Variants in ELMOD3 observed in about 807,000 individuals in gnomAD.
The protein encoded by ELMOD3 is ELMO domain-containing protein 3.
ELMOD3 carries 36 observed loss-of-function variants against 47.4 expected under a neutral mutation model. The observed-to-expected ratio is 0.76, with a 90% CI of 0.58 to 1.00. The LOEUF (loss-of-function observed/expected upper bound fraction) is 1.00. Among genes scored for constraint, ELMOD3 ranks in the 50% least tolerant of loss-of-function variants. The pLI is 0.00. For missense variants in ELMOD3, 404 were observed against 463.8 expected, an observed-to-expected ratio of 0.87 and a Z score of 1.18; for synonymous variants, 149 against 183.5, an observed-to-expected ratio of 0.81 and a Z score of 1.52.
chr2:85,390,968 G>T lies in ELMOD3; in HGVS notation c.*6G>T. ...AAGGCGTATGGCTGATCTGACCTCC[G>T]AGATGAATGGAGGCTTAAAGGCTGA... is the stretch of plus-strand genomic sequence containing the variant. On this transcript the variant is annotated 3_prime_UTR_variant, in exon 14 of 14. Transcript: ENST00000409013. The T allele has an allele frequency of 6.5e-7, 1 of 1,549,216 alleles. No homozygotes were observed. Among genetic ancestry groups the T allele is most frequent in the Non-Finnish European group, 8.7e-7 (1 of 1,145,196 alleles).
intron 12 of ELMOD3, 110 bp from the exon 13 acceptor site, chr2:85,390,028 T>G (rs1686210803): frequency 8.2e-7 from 1 of 1,220,792 alleles, no homozygotes. Context: ...GGTGGGGGCA[T>G]CCTGGGTTTG....
At chr2:85,381,749 G>A (rs1022890438) in intron 11 of ELMOD3, among the ~76,000 whole-genome samples, 3 of 152,144 alleles carry the variant, frequency 2.0e-5, no homozygotes, top group African/African-American at 7.2e-5. Context: ...TTCTGGCCCC[G>A]TGTCTTAGGA....
At chr2:85,384,692 C>G (rs1685808897) in intron 11 of ELMOD3, among the ~76,000 whole-genome samples, 2 of 152,116 alleles carry the variant, frequency 1.3e-5, no homozygotes, top group South Asian at 4.1e-4. Context: ...CTCAAGCAAT[C>G]CTCCCACCTC....
chr2:85,369,436 C>T lies in ELMOD3; in HGVS notation c.269-303C>T, dbSNP rs1404622859. Among the ~76,000 whole-genome samples, 3 of 152,170 alleles carry T rather than the reference C, an allele frequency of 2.0e-5. No homozygotes were observed. In the East Asian group the frequency reaches 5.8e-4, roughly 29 times the overall value. ...GGTTGCATGCTCTTATGTGGGTACC[C>T]ACCCCAGGCAGTGACTTGCCCCCTC... is the stretch of plus-strand genomic sequence containing the variant. On this transcript the variant is annotated intron_variant, in intron 7 of 13. Transcript: ENST00000409013.
chr2:85,371,464 T>G lies in ELMOD3; in HGVS notation c.509T>G (p.Val170Gly). 6.2e-7 allele frequency: 1 copy of G among 1,614,198 alleles called. No homozygotes were observed. The change falls in exon 10 of 14, where the codon GTG becomes GGG. Residue 170 changes from valine to glycine, a missense_variant. Val to Gly is a moderately radical substitution (Grantham distance 109). Coordinates refer to ENST00000409013, the MANE Select transcript of ELMOD3 (RefSeq NM_001135022.2). ...AQCGLDSQDPVHGRVLQTIYK... is the reference protein window; with the variant it reads ...AQCGLDSQDPGHGRVLQTIYK... ...GGTGGCCTGGATAGCCAAGACCCAG[T>G]GCATGGCCGAGTCCTCCAGACCATC...
chr2:85,358,211 G>A (rs193285189), intron 4 of ELMOD3, among the ~76,000 whole-genome samples: 2,394 of 151,364 alleles, frequency 0.016, 26 homozygotes, highest in Non-Finnish European at 0.025. Context: ...CCCAGGAGGC[G>A]GAGGTTGCAG....
At chr2:85,379,166 A>G (rs1685375708) in intron 11 of ELMOD3, among the ~76,000 whole-genome samples, 2 of 152,242 alleles carry the variant, frequency 1.3e-5, no homozygotes, top group African/African-American at 4.8e-5. Context: ...AATGGAAAAA[A>G]AAAGGAGGAA....
chr2:85,363,029 G>A, intron 5 of ELMOD3, 68 bp from the exon 6 acceptor site: 1 of 948,992 alleles, frequency 1.1e-6, no homozygotes, highest in Non-Finnish European at 1.7e-6. Context: ...TACAGTGGGT[G>A]GGAAGCGTTT....
chr2:85,375,038 G>A (rs531583463), intron 10 of ELMOD3, among the ~76,000 whole-genome samples: 3 of 152,016 alleles, frequency 2.0e-5, no homozygotes, highest in Non-Finnish European at 2.9e-5. Context: ...AGCCAAGATC[G>A]TGCCACTGCA....
Position 85,369,846 on chromosome 2 carries a change from G to C in ELMOD3, c.360+16G>C. 1 of 1,612,850 alleles carries C rather than the reference G, an allele frequency of 6.2e-7. No individual in the cohort carries two copies. The highest frequency in any genetic ancestry group is 8.5e-7 in the Non-Finnish European group (1 of 1,179,502). On this transcript the variant is annotated intron_variant, in intron 8 of 13. Transcript: ENST00000409013. ...CCCCTTCAAGGTATGAGGGTAGCAG[G>C]GTTTGGAGTCTCAAGCAAAGTGCCT...
chr2:85,361,580 G>T (rs1683958016), intron 4 of ELMOD3, among the ~76,000 whole-genome samples: 1 of 152,120 alleles, frequency 6.6e-6, no homozygotes, highest in South Asian at 2.1e-4. Context: ...TGGGAGCTAA[G>T]TGATGAGAAC....
In ELMOD3 at chr2:85,390,433, TCTC is replaced by T. The variant is rs753988836; in HGVS notation, c.943+171_943+173del. 5.6e-6 allele frequency: 9 copies of T among 1,614,040 alleles called. No homozygotes were observed. The East Asian group carries it at 1.8e-4, about 32-fold the overall frequency. On this transcript the variant is annotated intron_variant, in intron 13 of 13. Coordinates refer to ENST00000409013, the MANE Select transcript of ELMOD3 (RefSeq NM_001135022.2). The stretch of plus-strand genomic sequence containing the variant: ...CACCCACCCCCTGGAGTCTGCTAGT[TCTC>T]CTTTCTCTGCCCTGACTGTCGCCCT...
Position 85,377,457 on chromosome 2 carries a change from T to C in ELMOD3, c.721T>C (p.Ser241Pro). Residue 241 changes from serine to proline, a missense_variant, in exon 11 of 14, where the codon TCT (serine) becomes CCT (proline). Coordinates refer to ENST00000409013, the MANE Select transcript of ELMOD3 (RefSeq NM_001135022.2). Reference protein sequence around the residue: ...LPMAQEIFRLSRHHIQQFPFC... With the variant: ...LPMAQEIFRLPRHHIQQFPFC... ...GATGGCGCAGGAGATTTTCCGCCTGTCTCGTCACCACATCCAGGTGAGACT... is the reference window on the plus strand; with the variant it reads ...GATGGCGCAGGAGATTTTCCGCCTGCCTCGTCACCACATCCAGGTGAGACT... The C allele has an allele frequency of 5.6e-6, 9 of 1,608,368 alleles. No individual in the cohort carries two copies. The highest frequency in any genetic ancestry group is 7.6e-6 in the Non-Finnish European group (9 of 1,177,178).
chr2:85,368,815 A>G (rs1038869169), intron 7 of ELMOD3, 61 bp downstream of exon 7: 3 of 1,557,716 alleles, frequency 1.9e-6, no homozygotes. Flanking sequence ...CACCATCCAC[A>G]CATGTGGCAA....
intron 6 of ELMOD3, among the ~76,000 whole-genome samples, chr2:85,365,163 G>A (rs573343640): frequency 3.3e-5 from 5 of 149,778 alleles, no homozygotes; most frequent in Admixed American, 6.6e-5. Context: ...GGCTGGGCAC[G>A]GTGGCCCACG....
In ELMOD3 at chr2:85,390,765, G is replaced by A. The variant is rs1686293896; in HGVS notation, c.949G>A (p.Glu317Lys). 6.4e-6 allele frequency: 10 copies of A among 1,550,920 alleles called. No individual in the cohort carries two copies. Among genetic ancestry groups the A allele is most frequent in the Non-Finnish European group, 7.0e-6 (8 of 1,146,980 alleles). ...SDSGFVLKEL[E>K]VLAKKSPRRL... ...CCCAATTCTCTCTGTTGCAGAGTTG[G>A]AAGTATTGGCCAAGAAGAGCCCACG... Residue 317 changes from glutamate to lysine, a missense_variant, in exon 14 of 14, where the codon GAA (glutamate) becomes AAA (lysine). Glu to Lys is a moderately conservative substitution (Grantham distance 56). Transcript: ENST00000409013.
chr2:85,389,714 C>G (rs560771569), intron 11 of ELMOD3, 37 bp from the exon 12 acceptor site: 1 of 1,581,928 alleles, frequency 6.3e-7, no homozygotes, highest in South Asian at 1.1e-5. Context: ...ACAGTGAGAG[C>G]TGGAGTTGCT....
At chr2:85,368,332 G>T (rs1684546143) in intron 6 of ELMOD3, 1 of 230,098 alleles carries the variant, frequency 4.3e-6, no homozygotes, top group Admixed American at 5.0e-5. Context: ...GGAGGCTGAG[G>T]CAGGAGGATT....
chr2:85,357,118 A>T lies in ELMOD3; in HGVS notation c.-81A>T. 1.0e-6 allele frequency: 1 copy of T among 956,876 alleles called. No individual in the cohort carries two copies. The highest frequency in any genetic ancestry group is 1.6e-6 in the Non-Finnish European group (1 of 615,522). The allele number at this position is 956,876 out of a possible 1,614,324, so 59.3% of individuals were successfully genotyped here. A position where few individuals can be genotyped will look rare whatever the true frequency, so the allele number is the denominator to read the frequency against. On this transcript the variant is annotated 5_prime_UTR_variant, in exon 4 of 14. Transcript: ENST00000409013. Reference sequence around the variant, plus strand: ...AGAGCAACTGGATCTCTGGCTCTCCACATAGCTTCTGATCTCAGACCTTAC... The same window carrying T: ...AGAGCAACTGGATCTCTGGCTCTCCTCATAGCTTCTGATCTCAGACCTTAC...
Sources: allele counts gnomAD v4.1 joint callset (sites outside exome capture counted in the v4.1 genomes callset), GRCh38; gene constraint gnomAD v4.1.1; transcripts MANE v1.5; gene names NCBI Gene and HGNC (gene_info 2026-07-23, HGNC 2026-07-21).